The following TRPM3 variants were observed in gnomAD, a reference collection of about 807,000 sequenced individuals.
TRPM3 encodes the protein transient receptor potential cation channel subfamily M member 3, also known as long transient receptor potential channel 3.
In TRPM3, 77 loss-of-function variants were observed where a neutral mutation model predicts 181.2. The ratio of observed to expected loss-of-function variants is 0.42; its 90% CI spans 0.35 to 0.51. TRPM3 has a LOEUF of 0.51. Among genes scored for constraint, TRPM3 ranks in the 20% least tolerant of loss-of-function variants. TRPM3 has a pLI of 0.01. For missense variants in TRPM3, 1,759 were observed against 2,196.7 expected (o/e 0.80, Z 3.98); for synonymous variants, 745 against 796.4 (o/e 0.94, Z 1.09).
intron 1 of TRPM3, among the ~76,000 whole-genome samples, chr9:70,914,400 T>TA (rs2096569677): frequency 6.6e-6 from 1 of 152,222 alleles, no homozygotes; most frequent in African/African-American, 2.4e-5. Context: ...GGTATTTTGT[T>TA]AAAGCAGCAG....
chr9:70,912,287 T>C lies in TRPM3; in HGVS notation c.178-47776A>G, dbSNP rs539727827. On this transcript the variant is annotated intron_variant, in intron 1 of 25. Coordinates refer to ENST00000677713, the MANE Select transcript of TRPM3 (RefSeq NM_001366145.2). The stretch of plus-strand genomic sequence containing the variant: ...ACTTAGTGTTTTTTCCCCGCAAAGG[T>C]ATGAAGTTAAGAATATTGGCTAAAG... Among the ~76,000 whole-genome samples, 66 of 152,312 alleles carry C rather than the reference T, an allele frequency of 4.3e-4. 2 individuals carry two copies. The highest frequency in any genetic ancestry group is 1.5e-3 in the African/African-American group (61 of 41,568).
chr9:71,206,317 G>A (rs973542428), intron 1 of TRPM3, among the ~76,000 whole-genome samples: 3 of 152,078 alleles, frequency 2.0e-5, no homozygotes, highest in Admixed American at 6.6e-5. Flanking sequence ...ATCTCATTGT[G>A]GTTTTATTTG....
chr9:71,161,279 A>G (rs2076261081), intron 1 of TRPM3, among the ~76,000 whole-genome samples: 1 of 152,082 alleles, frequency 6.6e-6, no homozygotes, highest in Non-Finnish European at 1.5e-5. Flanking sequence ...CCAACACAAC[A>G]TTCTTCACTG....
intron 1 of TRPM3, among the ~76,000 whole-genome samples, chr9:70,994,313 C>A (rs2097522764): frequency 6.6e-6 from 1 of 152,104 alleles, no homozygotes; most frequent in Non-Finnish European, 1.5e-5. Flanking sequence ...ATACCTTGGC[C>A]AGTGTTAGTA....
intron 1 of TRPM3, among the ~76,000 whole-genome samples, chr9:70,977,595 G>A (rs112791147): frequency 0.01 from 1,530 of 152,294 alleles, 27 homozygotes; most frequent in Non-Finnish European, 0.017. Flanking sequence ...CACATTAAGG[G>A]CTCAGTCCCA....
intron 8 of TRPM3, among the ~76,000 whole-genome samples, chr9:70,742,151 A>G (rs2074254767): frequency 1.3e-5 from 2 of 152,138 alleles, no homozygotes; most frequent in Non-Finnish European, 2.9e-5. Flanking sequence ...GTATGTTATT[A>G]AGTGAAAAAT....
chr9:70,621,398 T>C, intron 14 of TRPM3, 125 bp from the exon 15 acceptor site: 1 of 541,850 alleles, frequency 1.8e-6, no homozygotes, highest in South Asian at 3.3e-5. Flanking sequence ...AAGGTCTCAC[T>C]TTGTCACCTG....
intron 22 of TRPM3, among the ~76,000 whole-genome samples, chr9:70,588,464 TA>T (rs552506348): frequency 3.0e-3 from 419 of 137,678 alleles, no homozygotes; most frequent in Non-Finnish European, 2.7e-3. Context: ...AATTCTGAAG[TA>T]AAAAAAAAAA....
intron 1 of TRPM3, among the ~76,000 whole-genome samples, chr9:70,981,631 A>G (rs2097364349): frequency 6.6e-6 from 1 of 152,192 alleles, no homozygotes; most frequent in Non-Finnish European, 1.5e-5. Context: ...ATATGATGAT[A>G]ATAATAGGTC....
chr9:71,030,576 A>AG (rs2057166021), intron 1 of TRPM3, among the ~76,000 whole-genome samples: 1 of 152,094 alleles, frequency 6.6e-6, no homozygotes, highest in Admixed American at 6.6e-5. Context: ...CGTTCCAAAA[A>AG]AAAAAAAAGA....
rs539131454 is a variant in TRPM3 at position 70,675,441 on chromosome 9, G to A, written c.1345+6065C>T. ...TTATAATTTGAACAAATTTACAAATGGATATATTAGAAGTTATTCTCCATG... is the reference window on the plus strand; with the variant it reads ...TTATAATTTGAACAAATTTACAAATAGATATATTAGAAGTTATTCTCCATG... On this transcript the variant is annotated intron_variant, in intron 9 of 25. Transcript: ENST00000677713. 2.0e-5 allele frequency among the ~76,000 whole-genome samples: 3 copies of A among 152,152 alleles called. No individual in the cohort carries two copies. In the South Asian group the frequency reaches 6.2e-4, roughly 32 times the overall value.
At chr9:71,017,512 T>C (rs907289405) in intron 1 of TRPM3, among the ~76,000 whole-genome samples, 2 of 151,652 alleles carry the variant, frequency 1.3e-5, no homozygotes, top group Admixed American at 6.6e-5. Flanking sequence ...ATGTTTAAAA[T>C]AGAAAGATGG....
intron 1 of TRPM3, among the ~76,000 whole-genome samples, chr9:71,019,722 C>A (rs2097826232): frequency 6.6e-6 from 1 of 152,058 alleles, no homozygotes; most frequent in African/African-American, 2.4e-5. Context: ...AATTGGCAAT[C>A]TGATTCTAGA....
chr9:70,690,651 T>C (rs1163776890), intron 8 of TRPM3, among the ~76,000 whole-genome samples: 1 of 152,180 alleles, frequency 6.6e-6, no homozygotes, highest in East Asian at 1.9e-4. Flanking sequence ...TAATGTTTCC[T>C]GGATGAATCA....
chr9:71,074,389 C>T (rs1356853331), intron 1 of TRPM3, among the ~76,000 whole-genome samples: 2 of 152,006 alleles, frequency 1.3e-5, no homozygotes, highest in Non-Finnish European at 2.9e-5. Flanking sequence ...GACTTGGGGT[C>T]ATTTTACTCT....
intron 3 of TRPM3, among the ~76,000 whole-genome samples, chr9:70,861,293 T>A (rs1564620184): frequency 6.6e-6 from 1 of 152,132 alleles, no homozygotes; most frequent in Admixed American, 6.6e-5. Flanking sequence ...GACAGATGAG[T>A]GCACATTTGG....
intron 1 of TRPM3, among the ~76,000 whole-genome samples, chr9:71,319,452 A>G (rs2088982085): frequency 6.6e-6 from 1 of 152,116 alleles, no homozygotes; most frequent in African/African-American, 2.4e-5. Flanking sequence ...AAGAAGATAC[A>G]CGTTCCAGCT....
intron 1 of TRPM3, among the ~76,000 whole-genome samples, chr9:71,322,383 C>A (rs72735814): frequency 0.15 from 22,519 of 152,080 alleles, 2,055 homozygotes; most frequent in Admixed American, 0.21. Context: ...TAAAATATTT[C>A]TCATAAGATT....
chr9:70,877,286 A>G (rs1429263433), intron 1 of TRPM3, among the ~76,000 whole-genome samples: 3 of 151,956 alleles, frequency 2.0e-5, no homozygotes, highest in South Asian at 4.1e-4. Context: ...CACTACCTCC[A>G]GCCACGTCAA....
Sources: gnomAD v4.1 joint callset for allele counts (sites outside exome capture counted in the v4.1 genomes callset) on GRCh38, gnomAD v4.1.1 for gene constraint, MANE v1.5 for transcripts, NCBI Gene and HGNC (gene_info 2026-07-23, HGNC 2026-07-21) for gene names.